The following SAMD4B variants were observed in gnomAD, a reference collection of about 807,000 sequenced individuals.
SAMD4B encodes sterile alpha motif domain containing 4B.
Under a neutral mutation model 74.5 loss-of-function variants are expected in SAMD4B, and 5 were observed. That is an observed-to-expected ratio of 0.07 (90% CI 0.04 to 0.14). The LOEUF is 0.14. Ranked by LOEUF, SAMD4B falls within the 10% of genes least tolerant of loss-of-function variation. The pLI is 1.00. For synonymous variants in SAMD4B, 373 were observed against 374.9 expected (o/e 1.00, Z 0.06); for missense variants, 608 against 921.8 (o/e 0.66, Z 4.41).
At chr19:39,379,173 G>A (rs974437939) in intron 9 of SAMD4B, among the ~76,000 whole-genome samples, 6 of 151,716 alleles carry the variant, frequency 4.0e-5, no homozygotes, top group Admixed American at 3.3e-4. Context: ...CAGGCGTGAC[G>A]ATTTTCTTTT....
At chr19:39,365,583 C>T (rs975360854) in intron 3 of SAMD4B, among the ~76,000 whole-genome samples, 16 of 152,128 alleles carry the variant, frequency 1.1e-4, no homozygotes, top group African/African-American at 3.9e-4. Context: ...CACACAGAGC[C>T]TGGATTCAGA....
chr19:39,342,440 C>T lies in SAMD4B; in HGVS notation c.-403C>T. On this transcript the variant is annotated 5_prime_UTR_variant, in exon 1 of 14. Coordinates refer to ENST00000610417, the MANE Select transcript of SAMD4B (RefSeq NM_001384574.2). ...TGACGCACGGCGCGGTGACGCAGCGCGACGGCGGCGGCGGCGGCGGCGGCG... is the reference window on the plus strand; with the variant it reads ...TGACGCACGGCGCGGTGACGCAGCGTGACGGCGGCGGCGGCGGCGGCGGCG... 1 of 178,688 alleles carries T rather than the reference C, an allele frequency of 5.6e-6. No homozygotes were observed. The highest frequency in any genetic ancestry group is 1.1e-5 in the Non-Finnish European group (1 of 89,050). The allele number at this position is 178,688 out of a possible 1,614,324, so 11.1% of individuals were successfully genotyped here. A position where few individuals can be genotyped will look rare whatever the true frequency, so the allele number is the denominator to read the frequency against.
the SAMD4B span, chr19:39,390,716 G>C: frequency 8.1e-7 from 1 of 1,238,874 alleles, no homozygotes; most frequent in South Asian, 1.3e-5. Context: ...AAAGGTGAGC[G>C]CTTCATGACG....
chr19:39,347,466 C>G (rs2075770368), intron 1 of SAMD4B, among the ~76,000 whole-genome samples: 1 of 152,144 alleles, frequency 6.6e-6, no homozygotes, highest in Admixed American at 6.5e-5. Context: ...ATGGCAATCT[C>G]CCTCCCCACT....
At position 39,343,521 on chromosome 19, in the gene SAMD4B, C is replaced by T. The variant is rs187227835; in HGVS notation, c.-267+945C>T. On this transcript the variant is annotated intron_variant, in intron 1 of 13. Coordinates refer to ENST00000610417, the MANE Select transcript of SAMD4B (RefSeq NM_001384574.2). ...TCATACACACTCCCCCTTCACGTAT[C>T]CCTCTGGACCTTTCCACAGATCCCA... Among the ~76,000 whole-genome samples the T allele has an allele frequency of 4.7e-5, 7 of 150,082 alleles. No homozygotes were observed. The East Asian group carries it at 1.4e-3, about 30-fold the overall frequency.
intron 1 of SAMD4B, chr19:39,351,989 C>T (rs1229756430): frequency 6.6e-6 from 1 of 152,240 alleles, no homozygotes; most frequent in Non-Finnish European, 1.5e-5. Flanking sequence ...ACCCAGGTCT[C>T]CCTCTGTCAC....
downstream of SAMD4B, chr19:39,386,627 T>TC: frequency 1.2e-6 from 2 of 1,604,034 alleles, no homozygotes; most frequent in Non-Finnish European, 1.7e-6. The surrounding 1 kb of genome is among the most constrained non-coding windows in gnomAD (Gnocchi z 6.1). Context: ...TGGGTTTTTG[T>TC]CCCCCTCCTC....
intron 1 of SAMD4B, among the ~76,000 whole-genome samples, chr19:39,347,269 G>A (rs1381197053): frequency 1.3e-5 from 2 of 152,192 alleles, no homozygotes; most frequent in African/African-American, 4.8e-5. Context: ...TCCTTGGAAA[G>A]CCTTAGTGGA....
Position 39,356,897 on chromosome 19 carries a change from A to G in SAMD4B, c.4A>G (p.Met2Val). ...CCCTGGCCCCAGGCCCGGCACCATG[A>G]TGTTCCGAGACCAGGTGGGCATCCT... M[M>V]FRDQVGILAG... The change falls in exon 3 of 14, where the codon ATG becomes GTG. Residue 2 changes from methionine (M) to valine (V), a missense_variant. Met to Val is a conservative substitution (Grantham distance 21). Transcript: ENST00000610417. 1.2e-6 allele frequency: 2 copies of G among 1,606,264 alleles called. No homozygotes were observed. Among genetic ancestry groups the G allele is most frequent in the Non-Finnish European group, 1.7e-6 (2 of 1,174,620 alleles).
intron 4 of SAMD4B, among the ~76,000 whole-genome samples, chr19:39,370,477 A>T (rs1333604657): frequency 6.6e-6 from 1 of 152,214 alleles, no homozygotes; most frequent in Admixed American, 6.5e-5. Flanking sequence ...TAGTGGCAGC[A>T]ATAATATAGA....
intron 2 of SAMD4B, among the ~76,000 whole-genome samples, chr19:39,355,008 G>A (rs1165384072): frequency 2.0e-5 from 3 of 152,118 alleles, no homozygotes; most frequent in Non-Finnish European, 2.9e-5. Flanking sequence ...AAGTCACTGG[G>A]ATTACAGGCG....
chr19:39,360,765 A>C (rs1335433979), intron 3 of SAMD4B, among the ~76,000 whole-genome samples: 1 of 152,162 alleles, frequency 6.6e-6, no homozygotes, highest in South Asian at 2.1e-4. Flanking sequence ...TGGCCTTCCC[A>C]TTCCCTGGTG....
chr19:39,383,551 C>T lies in SAMD4B; in HGVS notation c.*24C>T, dbSNP rs2078132710. On this transcript the variant is annotated 3_prime_UTR_variant, in exon 14 of 14. Transcript: ENST00000610417. This position sits in a 1 kb window ranked among gnomAD's most constrained non-coding sequence, Gnocchi z 4.1. ...GACGGGACCCACAGCCCAGCGCACC[C>T]ATAGGCTCCCTGGGCGGCGGGCGGG... is the stretch of plus-strand genomic sequence containing the variant. 6.2e-7 allele frequency: 1 copy of T among 1,614,140 alleles called. No individual in the cohort carries two copies. The highest frequency in any genetic ancestry group is 2.2e-5 in the East Asian group (1 of 44,896).
At chr19:39,362,946 T>C (rs1426226649) in intron 3 of SAMD4B, among the ~76,000 whole-genome samples, 3 of 152,020 alleles carry the variant, frequency 2.0e-5, no homozygotes, top group Non-Finnish European at 4.4e-5. Context: ...AGGCTCTGCT[T>C]GACAGTTCAT....
chr19:39,367,593 C>T (rs1376458513), intron 3 of SAMD4B, among the ~76,000 whole-genome samples: 1 of 150,062 alleles, frequency 6.7e-6, no homozygotes, highest in Non-Finnish European at 1.5e-5. Context: ...ACTGCAACCT[C>T]CACCTCCCGA....
Position 39,383,587 on chromosome 19 carries a change from C to A in SAMD4B, c.*60C>A, listed in dbSNP as rs1457773481. On this transcript the variant is annotated 3_prime_UTR_variant, in exon 14 of 14. Transcript: ENST00000610417. The surrounding 1 kb of genome is among the most constrained non-coding windows in gnomAD (Gnocchi z 4.1). Reference sequence around the variant, plus strand: ...TGGGCGGCGGGCGGGGGCCAACCCCCAACGGGCTTCTCCGCGACAGCGAGA... The same window carrying A: ...TGGGCGGCGGGCGGGGGCCAACCCCAAACGGGCTTCTCCGCGACAGCGAGA... 1.2e-6 allele frequency: 2 copies of A among 1,613,994 alleles called. No homozygotes were observed. The highest frequency in any genetic ancestry group is 1.7e-6 in the Non-Finnish European group (2 of 1,180,028).
At chr19:39,367,962 C>A (rs1472191202) in intron 3 of SAMD4B, among the ~76,000 whole-genome samples, 1 of 151,822 alleles carries the variant, frequency 6.6e-6, no homozygotes, top group East Asian at 2.0e-4. Flanking sequence ...CGCCTGTAAT[C>A]CCAGCACTTT....
intron 2 of SAMD4B, among the ~76,000 whole-genome samples, chr19:39,354,302 CTTCAGATA>C (rs957761832): frequency 1.8e-4 from 28 of 152,216 alleles, no homozygotes; most frequent in African/African-American, 4.8e-4. Flanking sequence ...CGTGCTACCT[CTTCAGATA>C]TTCAAAGTCA....
At chr19:39,390,316 A>G (rs1309191426), downstream of SAMD4B, 13 of 1,600,520 alleles carry the variant, frequency 8.1e-6, no homozygotes, top group East Asian at 4.5e-5. Context: ...AAACAGTGAT[A>G]GGTGGAGAGG....
Sources: gnomAD v4.1 joint callset for allele counts (sites outside exome capture counted in the v4.1 genomes callset) on GRCh38, gnomAD v4.1.1 for gene constraint, Gnocchi (gnomAD v3.1) non-coding constraint, MANE v1.5 for transcripts, NCBI Gene and HGNC (gene_info 2026-07-23, HGNC 2026-07-21) for gene names.